Variants in ARB2A observed in about 807,000 individuals in gnomAD.
ARB2A encodes cotranscriptional regulator ARB2A.
chr5:93,798,580 T>C, the ARB2A span, among the ~76,000 whole-genome samples: 1 of 152,154 alleles, frequency 6.6e-6, no homozygotes, highest in Non-Finnish European at 1.5e-5. Context: ...AATAATGGCA[T>C]GGCTCCACCT....
chr5:94,089,521 G>A, the ARB2A span, among the ~76,000 whole-genome samples: 2 of 150,708 alleles, frequency 1.3e-5, no homozygotes, highest in South Asian at 2.1e-4. Flanking sequence ...CATAGCTCTC[G>A]ATGTGGTTAA....
the ARB2A span, among the ~76,000 whole-genome samples, chr5:93,836,559 T>C: frequency 1.7e-4 from 26 of 152,346 alleles, no homozygotes; most frequent in East Asian, 5.0e-3. Context: ...ATGTAAAACA[T>C]ATTTTACCTT....
chr5:93,951,903 A>C, the ARB2A span, among the ~76,000 whole-genome samples: 1 of 152,246 alleles, frequency 6.6e-6, no homozygotes, highest in African/African-American at 2.4e-5. Flanking sequence ...CCTAAATATA[A>C]GAGATAACTT....
chr5:93,842,904 G>C, the ARB2A span, among the ~76,000 whole-genome samples: 9 of 152,160 alleles, frequency 5.9e-5, no homozygotes, highest in Admixed American at 5.9e-4. Context: ...GAGATAAAGT[G>C]ACCATATGCA....
chr5:94,062,549 A>G, the ARB2A span, among the ~76,000 whole-genome samples: 1 of 152,154 alleles, frequency 6.6e-6, no homozygotes, highest in South Asian at 2.1e-4. Flanking sequence ...TTCCCACCAC[A>G]GACCCCTGCA....
the ARB2A span, among the ~76,000 whole-genome samples, chr5:94,069,019 T>A: frequency 0.014 from 2,152 of 148,742 alleles, 53 homozygotes; most frequent in African/African-American, 0.05. Flanking sequence ...TCGGCAACAA[T>A]AGTGAAACTC....
chr5:93,727,000 T>C, the ARB2A span, among the ~76,000 whole-genome samples: 1 of 151,986 alleles, frequency 6.6e-6, no homozygotes, highest in Non-Finnish European at 1.5e-5. Flanking sequence ...TAATACTTTA[T>C]AATAATGATG....
At chr5:94,015,746 G>A in the ARB2A span, among the ~76,000 whole-genome samples, 1 of 152,010 alleles carries the variant, frequency 6.6e-6, no homozygotes, top group Admixed American at 6.6e-5. Flanking sequence ...TTTGCTATAA[G>A]ATTTTTTTTG....
chr5:93,862,002 T>C, the ARB2A span: 1 of 152,256 alleles, frequency 6.6e-6, no homozygotes, highest in Non-Finnish European at 1.5e-5. Context: ...AACTAATGTA[T>C]ATTAGAACAT....
the ARB2A span, among the ~76,000 whole-genome samples, chr5:93,916,467 T>C: frequency 2.0e-5 from 3 of 152,186 alleles, no homozygotes; most frequent in Non-Finnish European, 4.4e-5. Flanking sequence ...CCAAGTTTAA[T>C]AAGACAATTT....
the ARB2A span, among the ~76,000 whole-genome samples, chr5:93,779,122 T>TGC: frequency 1.1e-3 from 169 of 147,362 alleles, 1 homozygote; most frequent in African/African-American, 4.1e-3. Context: ...TGTGTGTGTG[T>TGC]GTGCGCGCGC....
the ARB2A span, among the ~76,000 whole-genome samples, chr5:93,998,994 C>A: frequency 1.3e-5 from 2 of 151,986 alleles, no homozygotes; most frequent in Non-Finnish European, 2.9e-5. Flanking sequence ...GTTTCTGGCA[C>A]AGAAAAACAT....
the ARB2A span, among the ~76,000 whole-genome samples, chr5:93,758,347 AAAG>A: frequency 1.3e-5 from 2 of 152,218 alleles, no homozygotes; most frequent in Non-Finnish European, 2.9e-5. Context: ...ATCACGACAG[AAAG>A]TTACCAAAGA....
chr5:94,060,623 T>G, the ARB2A span, among the ~76,000 whole-genome samples: 1 of 152,146 alleles, frequency 6.6e-6, no homozygotes, highest in Admixed American at 6.5e-5. Context: ...TATCTTCCAG[T>G]AAATAAAACA....
the ARB2A span, among the ~76,000 whole-genome samples, chr5:93,975,953 C>T: frequency 1.3e-5 from 2 of 151,844 alleles, no homozygotes; most frequent in African/African-American, 4.8e-5. Context: ...AGATACAATA[C>T]GAAATATCCC....
At chr5:93,694,898 A>G in the ARB2A span, among the ~76,000 whole-genome samples, 1 of 152,150 alleles carries the variant, frequency 6.6e-6, no homozygotes, top group Non-Finnish European at 1.5e-5. Flanking sequence ...ATCTATAACC[A>G]TCTGATCTTT....
chr5:93,816,272 C>T, the ARB2A span, among the ~76,000 whole-genome samples: 1 of 152,082 alleles, frequency 6.6e-6, no homozygotes, highest in East Asian at 1.9e-4. Flanking sequence ...AAAAACAGCC[C>T]TATTATCAAC....
the ARB2A span, among the ~76,000 whole-genome samples, chr5:94,030,858 G>A: frequency 6.6e-6 from 1 of 152,144 alleles, no homozygotes; most frequent in Non-Finnish European, 1.5e-5. Context: ...AAACGAGGTT[G>A]CCTCTCATAT....
chr5:93,627,438 G>GTGTTT, the ARB2A span, among the ~76,000 whole-genome samples: 2 of 108,076 alleles, frequency 1.9e-5, no homozygotes, highest in African/African-American at 8.0e-5. Context: ...TACAAAATGT[G>GTGTTT]TTTTGTTTTT....
Sources: gnomAD v4.1 joint callset for allele counts (sites outside exome capture counted in the v4.1 genomes callset) on GRCh38, gnomAD v4.1.1 for gene constraint, MANE v1.5 for transcripts, NCBI Gene and HGNC (gene_info 2026-07-23, HGNC 2026-07-21) for gene names.